The following ALG5 variants were observed in gnomAD, a reference collection of about 807,000 sequenced individuals.
ALG5 encodes dolichyl-phosphate beta-glucosyltransferase.
A neutral mutation model predicts 51.8 loss-of-function variants in ALG5; 26 were observed. The ratio of observed to expected loss-of-function variants is 0.50; its 90% CI spans 0.37 to 0.70. The LOEUF is 0.70. Among genes scored for constraint, ALG5 ranks in the 30% least tolerant of loss-of-function variants. ALG5 has a pLI of 0.00. For synonymous variants in ALG5, 141 were observed against 136.1 expected (o/e 1.04, Z -0.25); for missense variants, 311 against 399.3 (o/e 0.78, Z 1.88).
chr13:36,963,517 T>C (rs73539719), intron 8 of ALG5, among the ~76,000 whole-genome samples: 97 of 152,124 alleles, frequency 6.4e-4, no homozygotes, highest in African/African-American at 2.3e-3. Context: ...GACTGAAAAA[T>C]AGCTAATGCA....
intron 7 of ALG5, among the ~76,000 whole-genome samples, chr13:36,966,041 G>A (rs915771686): frequency 2.0e-5 from 3 of 152,186 alleles, no homozygotes; most frequent in African/African-American, 7.2e-5. Flanking sequence ...AGAACGTCTT[G>A]TTTACTTACA....
intron 7 of ALG5, among the ~76,000 whole-genome samples, chr13:36,966,917 T>A (rs2138793256): frequency 6.6e-6 from 1 of 151,170 alleles, no homozygotes; most frequent in Middle Eastern, 3.4e-3. Flanking sequence ...TGGAACAGAG[T>A]AACAAAGAAA....
intron 6 of ALG5, among the ~76,000 whole-genome samples, chr13:36,973,998 G>A (rs1275953950): frequency 6.6e-6 from 1 of 152,154 alleles, no homozygotes; most frequent in Non-Finnish European, 1.5e-5. Context: ...AAATATACTT[G>A]CATATGTGTA....
At chr13:36,983,551 C>T (rs1041731587) in intron 6 of ALG5, among the ~76,000 whole-genome samples, 2 of 134,920 alleles carry the variant, frequency 1.5e-5, no homozygotes, top group Admixed American at 8.1e-5. Context: ...CTGGGCAACA[C>T]AGTAAGACCT....
chr13:36,954,081 C>A (rs1381100916), intron 8 of ALG5, among the ~76,000 whole-genome samples: 1 of 151,070 alleles, frequency 6.6e-6, no homozygotes, highest in Admixed American at 6.6e-5. Flanking sequence ...AAATCCTAGA[C>A]CAAAAGGGTT....
At chr13:36,950,672 C>T (rs1204525610) in intron 9 of ALG5, among the ~76,000 whole-genome samples, 3 of 151,930 alleles carry the variant, frequency 2.0e-5, no homozygotes, top group East Asian at 1.9e-4. Context: ...CTTGACCTCC[C>T]GGGCTCAAAC....
chr13:36,964,460 G>A (rs903578180), intron 8 of ALG5, among the ~76,000 whole-genome samples: 19 of 152,296 alleles, frequency 1.2e-4, no homozygotes, highest in South Asian at 1.2e-3. Context: ...TTGGATATAT[G>A]CATGTGGAGA....
chr13:36,981,133 A>G (rs1334267295), intron 6 of ALG5, among the ~76,000 whole-genome samples: 1 of 152,200 alleles, frequency 6.6e-6, no homozygotes, highest in Non-Finnish European at 1.5e-5. Context: ...CAACTTTTGT[A>G]AGATGACTTT....
chr13:36,972,812 G>A lies in ALG5; in HGVS notation c.562-776C>T, dbSNP rs374021639. 2.4e-4 allele frequency among the ~76,000 whole-genome samples: 36 copies of A among 152,022 alleles called. No homozygotes were observed. In the East Asian group the frequency reaches 3.3e-3, roughly 14 times the overall value. On this transcript the variant is annotated intron_variant, in intron 6 of 9. Coordinates refer to ENST00000239891, the MANE Select transcript of ALG5 (RefSeq NM_013338.5). ...TCGAGATCATCCTGGCTAACACAGC[G>A]AAACCCCGTCTCTACTAAAAATTCA... is the stretch of plus-strand genomic sequence containing the variant.
chr13:36,954,921 G>A (rs1369383243), intron 8 of ALG5, among the ~76,000 whole-genome samples: 3 of 152,126 alleles, frequency 2.0e-5, no homozygotes, highest in African/African-American at 7.2e-5. Context: ...AAGATGGGAG[G>A]AAATGATAAT....
At position 36,995,585 on chromosome 13, in the gene ALG5, A is replaced by G; in HGVS notation, c.78T>C (p.Val26=). 1 of 1,598,828 alleles carries G rather than the reference A, an allele frequency of 6.3e-7. No individual in the cohort carries two copies. The highest frequency in any genetic ancestry group is 8.5e-7 in the Non-Finnish European group (1 of 1,176,664). Residue 26 remains valine (V), a synonymous_variant, in exon 2 of 10, where the codon GTT becomes GTC. Coordinates refer to ENST00000239891, the MANE Select transcript of ALG5 (RefSeq NM_013338.5). ...GCATTTTTGTAGCAGTTGTAAATGC[A>G]ACGATGGAAATCTAAAAGCAGACAT... ...AAAALVLISI[V]AFTTATKMPA...
intron 8 of ALG5, among the ~76,000 whole-genome samples, chr13:36,953,216 A>G (rs1054018932): frequency 8.5e-5 from 13 of 152,218 alleles, no homozygotes; most frequent in Non-Finnish European, 1.9e-4. Flanking sequence ...TAATTAATAC[A>G]TACATAGGAA....
intron 8 of ALG5, among the ~76,000 whole-genome samples, chr13:36,953,086 T>TC (rs2058825279): frequency 6.6e-6 from 1 of 152,148 alleles, no homozygotes; most frequent in Non-Finnish European, 1.5e-5. Flanking sequence ...TCTAATAGTG[T>TC]CCCCAGGGCC....
intron 4 of ALG5, among the ~76,000 whole-genome samples, chr13:36,992,699 A>G (rs1470871088): frequency 6.6e-6 from 1 of 152,148 alleles, no homozygotes; most frequent in African/African-American, 2.4e-5. Flanking sequence ...CTCTTGTACT[A>G]TACCTTGTGC....
chr13:36,957,397 C>G (rs918514355), intron 8 of ALG5, among the ~76,000 whole-genome samples: 3 of 152,026 alleles, frequency 2.0e-5, no homozygotes, highest in Non-Finnish European at 4.4e-5. Context: ...AATAAAGGCA[C>G]TAATTCATGA....
At chr13:36,950,435 GATTA>G (rs889940780) in intron 9 of ALG5, among the ~76,000 whole-genome samples, 1 of 152,086 alleles carries the variant, frequency 6.6e-6, no homozygotes, top group Non-Finnish European at 1.5e-5. Flanking sequence ...AGATAAATAT[GATTA>G]TTTCTACATA....
intron 6 of ALG5, among the ~76,000 whole-genome samples, chr13:36,973,794 A>G (rs556718777): frequency 1.3e-4 from 20 of 152,336 alleles, no homozygotes; most frequent in African/African-American, 4.8e-4. Context: ...GAGTACACAA[A>G]AGAGGAAGTG....
intron 4 of ALG5, among the ~76,000 whole-genome samples, chr13:36,993,121 G>A (rs1045309500): frequency 6.6e-6 from 1 of 152,174 alleles, no homozygotes; most frequent in Non-Finnish European, 1.5e-5. Flanking sequence ...CTGCTGAGAT[G>A]GCTTGTGTTC....
intron 7 of ALG5, among the ~76,000 whole-genome samples, chr13:36,970,431 C>T (rs2058916941): frequency 6.6e-6 from 1 of 150,756 alleles, no homozygotes; most frequent in South Asian, 2.1e-4. Flanking sequence ...GTGAAACTGC[C>T]TCTACTAAAA....
Sources: gnomAD v4.1 joint callset for allele counts (sites outside exome capture counted in the v4.1 genomes callset) on GRCh38, gnomAD v4.1.1 for gene constraint, MANE v1.5 for transcripts, NCBI Gene and HGNC (gene_info 2026-07-23, HGNC 2026-07-21) for gene names.